POU2F1: variants seen among roughly 807,000 people sequenced by gnomAD.
POU2F1 encodes POU domain, class 2, transcription factor 1.
Under a neutral mutation model 84.9 loss-of-function variants are expected in POU2F1, and 16 were observed. The observed-to-expected ratio is 0.19, with a 90% CI of 0.13 to 0.29. POU2F1 has a LOEUF of 0.29. POU2F1 is among the 10% of genes least tolerant of loss of function. POU2F1 has a pLI of 1.00. For synonymous variants in POU2F1, 368 were observed against 368.3 expected, an observed-to-expected ratio of 1.00 and a Z score of 0.01; for missense variants, 738 against 942.6, an observed-to-expected ratio of 0.78 and a Z score of 2.84.
intron 1 of POU2F1, among the ~76,000 whole-genome samples, chr1:167,236,319 T>C (rs957492101): frequency 1.3e-5 from 2 of 152,000 alleles, no homozygotes; most frequent in Non-Finnish European, 1.5e-5. Context: ...GCCAGGCAGG[T>C]GTTGAACTCC....
intron 1 of POU2F1, among the ~76,000 whole-genome samples, chr1:167,316,554 GTAT>G (rs141313022): frequency 0.036 from 5,439 of 152,218 alleles, 185 homozygotes; most frequent in African/African-American, 0.09. Flanking sequence ...GACTGCCACT[GTAT>G]TATTATTAAG....
intron 3 of POU2F1, among the ~76,000 whole-genome samples, chr1:167,369,365 A>G (rs370180970): frequency 1.1e-3 from 163 of 152,284 alleles, no homozygotes; most frequent in African/African-American, 3.4e-3. Flanking sequence ...CTGAAAAGAT[A>G]CTATTTTACC....
chr1:167,384,951 A>G, intron 8 of POU2F1, among the ~76,000 whole-genome samples: 1 of 152,266 alleles, frequency 6.6e-6, no homozygotes, highest in Middle Eastern at 3.4e-3. Flanking sequence ...TCTATGTAGA[A>G]AATCTTAAGG....
rs568011873 is a variant in POU2F1 at position 167,256,188 on chromosome 1, C to A, written c.61+35230C>A. On this transcript the variant is annotated intron_variant, in intron 1 of 15. Coordinates refer to ENST00000367866, the MANE Select transcript of POU2F1 (RefSeq NM_002697.4). Reference sequence around the variant, plus strand: ...GAGAGTGGTTCTACAACTTATCTGGCCATCAACGGGAAGCCTGAGAATAAG... The same window carrying A: ...GAGAGTGGTTCTACAACTTATCTGGACATCAACGGGAAGCCTGAGAATAAG... Among the ~76,000 whole-genome samples the A allele has an allele frequency of 5.3e-5, 8 of 152,114 alleles. No homozygotes were observed. In the South Asian group the frequency reaches 1.7e-3, roughly 32 times the overall value.
intron 2 of POU2F1, among the ~76,000 whole-genome samples, chr1:167,340,983 A>G (rs921012230): frequency 1.3e-5 from 2 of 152,176 alleles, no homozygotes; most frequent in African/African-American, 4.8e-5. Flanking sequence ...TGTATCTTAC[A>G]GGCTGGGTAG....
chr1:167,358,968 CT>C (rs1176038105), intron 2 of POU2F1, among the ~76,000 whole-genome samples: 1 of 151,598 alleles, frequency 6.6e-6, no homozygotes, highest in Non-Finnish European at 1.5e-5. Context: ...TGACAAGATT[CT>C]TTTGAAAGAA....
chr1:167,331,484 T>C lies in POU2F1; in HGVS notation c.62-986T>C, dbSNP rs553780299. 4.2e-4 allele frequency among the ~76,000 whole-genome samples: 64 copies of C among 152,108 alleles called. 1 individual carries two copies. The highest frequency in any genetic ancestry group is 7.5e-4 in the Non-Finnish European group (51 of 67,912). On this transcript the variant is annotated intron_variant, in intron 1 of 15. Coordinates refer to ENST00000367866, the MANE Select transcript of POU2F1 (RefSeq NM_002697.4). ...CTAAAGTTAAATGGTTCTTAACTTATTTAACCACTAAATAAGTTAATGTGG... is the reference window on the plus strand; with the variant it reads ...CTAAAGTTAAATGGTTCTTAACTTACTTAACCACTAAATAAGTTAATGTGG...
At chr1:167,384,023 T>G in intron 8 of POU2F1, 72 bp downstream of exon 8, 1 of 1,054,448 alleles carries the variant, frequency 9.5e-7, no homozygotes, top group African/African-American at 3.9e-5. Flanking sequence ...TTTATTTAAT[T>G]TTTTTTTTAA....
At chr1:167,409,310 G>A (rs997704345) in intron 13 of POU2F1, among the ~76,000 whole-genome samples, 8 of 152,152 alleles carry the variant, frequency 5.3e-5, no homozygotes, top group Non-Finnish European at 1.0e-4. Flanking sequence ...AAGACAGGGC[G>A]GGAAGCACAG....
chr1:167,391,687 T>C (rs6661205), intron 9 of POU2F1, among the ~76,000 whole-genome samples: 109,235 of 149,926 alleles, frequency 0.73, 40,001 homozygotes, highest in East Asian at 0.87. Context: ...CTCCCACTTC[T>C]GTCTCCTGAG....
At chr1:167,244,536 T>C (rs1476830079) in intron 1 of POU2F1, among the ~76,000 whole-genome samples, 1 of 152,220 alleles carries the variant, frequency 6.6e-6, no homozygotes, top group Non-Finnish European at 1.5e-5. Flanking sequence ...ACAGCTTTTG[T>C]AACCTAATTG....
At chr1:167,267,376 G>A (rs1014618856) in intron 1 of POU2F1, among the ~76,000 whole-genome samples, 2 of 146,722 alleles carry the variant, frequency 1.4e-5, no homozygotes, top group African/African-American at 5.2e-5. Flanking sequence ...TGATTGTATT[G>A]TAATGTTTTA....
In POU2F1 at chr1:167,331,082, G is replaced by A. The variant is rs371298725; in HGVS notation, c.62-1388G>A. On this transcript the variant is annotated intron_variant, in intron 1 of 15. Coordinates refer to ENST00000367866, the MANE Select transcript of POU2F1 (RefSeq NM_002697.4). ...GATGATATTTAAATTTCTCTGGACA[G>A]TGAGAAGAAGGAAGTTGTAGAACTG... is the stretch of plus-strand genomic sequence containing the variant. Among the ~76,000 whole-genome samples the A allele has an allele frequency of 1.9e-4, 29 of 152,176 alleles. 1 individual carries two copies. The East Asian group carries it at 2.3e-3, about 12-fold the overall frequency.
intron 1 of POU2F1, among the ~76,000 whole-genome samples, chr1:167,226,429 AT>A (rs1317437066): frequency 6.6e-6 from 1 of 152,230 alleles, no homozygotes; most frequent in East Asian, 1.9e-4. Flanking sequence ...CATTATTGAC[AT>A]TTCATAAGTA....
intron 1 of POU2F1, among the ~76,000 whole-genome samples, chr1:167,259,918 G>A (rs1010382401): frequency 6.7e-6 from 1 of 150,056 alleles, no homozygotes; most frequent in Non-Finnish European, 1.5e-5. Flanking sequence ...TCGCTCTGTC[G>A]CCCAGGCTGG....
At position 167,415,942 on chromosome 1, in the gene POU2F1, A is replaced by C; in HGVS notation, c.*132A>C. The C allele has an allele frequency of 1.9e-6, 1 of 524,072 alleles. No individual in the cohort carries two copies. The highest frequency in any genetic ancestry group is 2.9e-6 in the Non-Finnish European group (1 of 349,312). 32.5% of individuals were successfully genotyped at this position (524,072 alleles called of 1,614,324 possible). A position where few individuals can be genotyped will look rare whatever the true frequency, so the allele number is the denominator to read the frequency against. On this transcript the variant is annotated 3_prime_UTR_variant, in exon 16 of 16. Transcript: ENST00000367866. ...TGTGAGGGCAAAGGAGAGAAGGGAGAAAAAAAAAAAAAAACCACACACACC... is the reference window on the plus strand; with the variant it reads ...TGTGAGGGCAAAGGAGAGAAGGGAGCAAAAAAAAAAAAAACCACACACACC...
At chr1:167,348,221 G>A (rs1022338948) in intron 2 of POU2F1, among the ~76,000 whole-genome samples, 2 of 152,148 alleles carry the variant, frequency 1.3e-5, no homozygotes, top group Non-Finnish European at 2.9e-5. Flanking sequence ...AATACTGTAT[G>A]CAATTGTAAC....
intron 2 of POU2F1, among the ~76,000 whole-genome samples, chr1:167,360,759 T>C (rs902176255): frequency 1.2e-4 from 19 of 152,126 alleles, no homozygotes; most frequent in African/African-American, 4.3e-4. Context: ...ATAAGACTAG[T>C]GTTGAATCTG....
At chr1:167,221,294 G>GCCCGAA (rs1282158883) in intron 1 of POU2F1, among the ~76,000 whole-genome samples, 1 of 151,124 alleles carries the variant, frequency 6.6e-6, no homozygotes, top group Non-Finnish European at 1.5e-5. Context: ...TCGCCGCCGT[G>GCCCGAA]CCCGAACCCG....
Sources: allele counts gnomAD v4.1 joint callset (sites outside exome capture counted in the v4.1 genomes callset), GRCh38; gene constraint gnomAD v4.1.1; transcripts MANE v1.5; gene names NCBI Gene and HGNC (gene_info 2026-07-23, HGNC 2026-07-21).